The following IRAG2 variants were observed in gnomAD, a reference collection of about 807,000 sequenced individuals.
IRAG2 encodes the protein lymphoid restricted membrane protein.
In IRAG2, 45 loss-of-function variants were observed where a neutral mutation model predicts 69.9. The ratio of observed to expected loss-of-function variants is 0.64; its 90% CI spans 0.51 to 0.83. The LOEUF (loss-of-function observed/expected upper bound fraction) is 0.83. Among genes scored for constraint, IRAG2 ranks in the 40% least tolerant of loss-of-function variants. The probability of loss-of-function intolerance (pLI) is 0.00; values close to 1 mark genes in which losing one functional copy is unlikely to be tolerated. For synonymous variants in IRAG2, 193 were observed against 202.4 expected, an observed-to-expected ratio of 0.95 and a Z score of 0.40; for missense variants, 520 against 587.0, an observed-to-expected ratio of 0.89 and a Z score of 1.18.
chr12:25,074,104 A>G (rs12297514), intron 6 of IRAG2, among the ~76,000 whole-genome samples: 11,101 of 152,296 alleles, frequency 0.073, 550 homozygotes, highest in African/African-American at 0.14. Context: ...AACCTGTCTG[A>G]ATTTGCTGTG....
At chr12:25,106,793 A>G in intron 20 of IRAG2, 150 bp from the exon 21 acceptor site, 1 of 351,252 alleles carries the variant, frequency 2.8e-6, no homozygotes, top group Non-Finnish European at 5.3e-6. Flanking sequence ...TGGTGATTTG[A>G]TTTTTAGAGT....
chr12:25,052,433 C>T, upstream of IRAG2: 4 of 386,500 alleles, frequency 1.0e-5, no homozygotes, highest in Non-Finnish European at 1.8e-5. Flanking sequence ...GGAGGAGGAA[C>T]AACAACAACA....
intron 7 of IRAG2, chr12:25,023,738 C>A: frequency 2.3e-6 from 1 of 432,942 alleles, no homozygotes; most frequent in Non-Finnish European, 3.8e-6. Flanking sequence ...AAAATATTTT[C>A]AGAGTAGGCT....
At chr12:25,070,070 C>G (rs918502626) in intron 6 of IRAG2, among the ~76,000 whole-genome samples, 1 of 152,226 alleles carries the variant, frequency 6.6e-6, no homozygotes, top group Non-Finnish European at 1.5e-5. Flanking sequence ...GTTTCAGGAT[C>G]TGGCAGTCCA....
intron 15 of IRAG2, chr12:25,100,958 T>C (rs1320938160): frequency 2.6e-6 from 1 of 383,490 alleles, no homozygotes; most frequent in Non-Finnish European, 4.6e-6. Context: ...CTTTTCCAGG[T>C]CTTAGTCATT....
chr12:25,002,782 C>T (rs1273419348), upstream of IRAG2, among the ~76,000 whole-genome samples: 2 of 152,060 alleles, frequency 1.3e-5, no homozygotes, highest in East Asian at 3.9e-4. Flanking sequence ...GCTGGGATTA[C>T]AGTCGCCTGC....
intron 10 of IRAG2, among the ~76,000 whole-genome samples, chr12:25,030,589 G>A (rs1440131284): frequency 3.3e-5 from 5 of 152,104 alleles, no homozygotes; most frequent in African/African-American, 9.7e-5. Flanking sequence ...GTTTCCTCAT[G>A]TTGGCCAGAC....
intron 16 of IRAG2, among the ~76,000 whole-genome samples, chr12:25,045,476 A>C (rs1944785875): frequency 6.6e-6 from 1 of 152,006 alleles, no homozygotes; most frequent in Non-Finnish European, 1.5e-5. Flanking sequence ...TGAAAAGATA[A>C]ACAAGACAAA....
chr12:25,050,540 C>T (rs202126831), upstream of IRAG2, among the ~76,000 whole-genome samples: 6 of 14,270 alleles, frequency 4.2e-4, 1 homozygote, highest in Admixed American at 1.7e-3. Flanking sequence ...AAAAAACAAA[C>T]AAACAAACAA....
the IRAG2 span, among the ~76,000 whole-genome samples, chr12:24,997,994 C>T: frequency 6.6e-6 from 1 of 152,168 alleles, no homozygotes; most frequent in Non-Finnish European, 1.5e-5. Flanking sequence ...CAGGCTTGGT[C>T]GTTTGGAATG....
intron 1 of IRAG2, among the ~76,000 whole-genome samples, chr12:25,055,332 G>A (rs966875745): frequency 3.3e-5 from 5 of 152,220 alleles, no homozygotes; most frequent in African/African-American, 1.2e-4. Context: ...AATGTGCCAT[G>A]AAAACTGTTC....
At chr12:25,002,000 A>T (rs1410757902), upstream of IRAG2, among the ~76,000 whole-genome samples, 1 of 151,708 alleles carries the variant, frequency 6.6e-6, no homozygotes, top group Admixed American at 6.6e-5. Context: ...CGAACTCCTG[A>T]CCTCGTGATC....
chr12:25,016,416 A>G (rs1218464525), intron 5 of IRAG2, among the ~76,000 whole-genome samples: 1 of 152,182 alleles, frequency 6.6e-6, no homozygotes, highest in Non-Finnish European at 1.5e-5. Flanking sequence ...TCAGACTACA[A>G]TGATAAGACT....
intron 16 of IRAG2, among the ~76,000 whole-genome samples, chr12:25,043,117 A>G (rs564642246): frequency 2.6e-4 from 40 of 152,244 alleles, no homozygotes; most frequent in Middle Eastern, 3.4e-3. Context: ...ACAAATTCCT[A>G]TTGTGAAGAA....
At chr12:25,000,665 C>G (rs1246033942), upstream of IRAG2, among the ~76,000 whole-genome samples, 1 of 152,158 alleles carries the variant, frequency 6.6e-6, no homozygotes, top group Non-Finnish European at 1.5e-5. Flanking sequence ...GAAAATGCAA[C>G]TGAGGTTCAT....
At chr12:25,098,647 T>C (rs950199903) in intron 15 of IRAG2, among the ~76,000 whole-genome samples, 1 of 152,214 alleles carries the variant, frequency 6.6e-6, no homozygotes, top group African/African-American at 2.4e-5. Context: ...ACACAAATAA[T>C]ATGTTGTTTT....
intron 3 of IRAG2, chr12:25,015,161 T>TTG (rs1555125474): frequency 2.0e-6 from 2 of 1,010,856 alleles, no homozygotes; most frequent in Non-Finnish European, 2.5e-6. Flanking sequence ...TTTTGTTTTT[T>TTG]TTTTTTTTTT....
At chr12:25,006,992 T>A (rs980863021) in intron 2 of IRAG2, among the ~76,000 whole-genome samples, 2 of 152,334 alleles carry the variant, frequency 1.3e-5, no homozygotes, top group East Asian at 3.9e-4. Flanking sequence ...TTTCCCTGAG[T>A]AACCATTGTT....
At position 25,035,025 on chromosome 12, in the gene IRAG2, C is replaced by T. The variant is rs552058224; in HGVS notation, c.1744-628C>T. On this transcript the variant is annotated intron_variant, in intron 13 of 38. Coordinates refer to the IRAG2 transcript ENST00000636465. ...CTGAGATAATAATGATGTCAAGATG[C>T]CAGCCCAGAAAGTTCTATAGTTCTA... Among the ~76,000 whole-genome samples, 5 of 152,308 alleles carry T rather than the reference C, an allele frequency of 3.3e-5. 1 individual carries two copies. The highest frequency in any genetic ancestry group is 1.2e-4 in the African/African-American group (5 of 41,576).
Sources: allele counts gnomAD v4.1 joint callset (sites outside exome capture counted in the v4.1 genomes callset), GRCh38; gene constraint gnomAD v4.1.1; transcripts MANE v1.5; gene names NCBI Gene and HGNC (gene_info 2026-07-23, HGNC 2026-07-21).